The following TLL1 variants were observed in gnomAD, a reference collection of about 807,000 sequenced individuals.
TLL1 encodes tolloid like 1, also known as tolloid-like protein 1.
Under a neutral mutation model 128.2 loss-of-function variants are expected in TLL1, and 49 were observed. The ratio of observed to expected loss-of-function variants is 0.38; its 90% CI spans 0.30 to 0.48. The LOEUF is 0.48. Ranked by LOEUF, TLL1 falls within the 20% of genes least tolerant of loss-of-function variation. The pLI is 0.96. For missense variants in TLL1, 1,123 were observed against 1,242.0 expected, an observed-to-expected ratio of 0.90 and a Z score of 1.44; for synonymous variants, 454 against 418.8, an observed-to-expected ratio of 1.08 and a Z score of -1.03.
chr4:166,081,849 C>A (rs1446350255), intron 18 of TLL1, among the ~76,000 whole-genome samples: 2 of 151,822 alleles, frequency 1.3e-5, no homozygotes, highest in African/African-American at 2.4e-5. Flanking sequence ...CCTGATATAC[C>A]CCGGTTTTAA....
chr4:165,877,563 A>C (rs1429721816), intron 1 of TLL1, among the ~76,000 whole-genome samples: 1 of 152,216 alleles, frequency 6.6e-6, no homozygotes, highest in African/African-American at 2.4e-5. Context: ...TATAGAAATA[A>C]ATGTGAATCT....
chr4:166,090,575 G>A (rs1741718546), intron 18 of TLL1, among the ~76,000 whole-genome samples: 1 of 152,006 alleles, frequency 6.6e-6, no homozygotes, highest in African/African-American at 2.4e-5. Context: ...AGTATTATCA[G>A]TGTTTGCTAA....
intron 1 of TLL1, among the ~76,000 whole-genome samples, chr4:165,980,249 G>A (rs1736095604): frequency 6.6e-6 from 1 of 152,028 alleles, no homozygotes; most frequent in African/African-American, 2.4e-5. Context: ...TTTCATGATA[G>A]CAATCTCATA....
intron 1 of TLL1, among the ~76,000 whole-genome samples, chr4:165,960,453 A>T (rs1735040139): frequency 6.6e-6 from 1 of 152,128 alleles, no homozygotes. Context: ...CTCCTCCCTA[A>T]CTCATTCTAG....
chr4:166,042,232 C>A, intron 11 of TLL1, 89 bp downstream of exon 11: 2 of 869,328 alleles, frequency 2.3e-6, no homozygotes, highest in Non-Finnish European at 3.9e-6. Context: ...ACATTGTGAC[C>A]ATATTGTAAA....
At chr4:166,003,364 C>A (rs1737256133) in intron 5 of TLL1, 27 bp from the exon 6 acceptor site, 2 of 1,613,304 alleles carry the variant, frequency 1.2e-6, no homozygotes, top group Non-Finnish European at 1.7e-6. Flanking sequence ...CTTTCCACCA[C>A]CATCTCCACT....
intron 8 of TLL1, among the ~76,000 whole-genome samples, chr4:166,015,719 C>CA (rs1490349928): frequency 6.6e-6 from 1 of 151,826 alleles, no homozygotes; most frequent in East Asian, 1.9e-4. Flanking sequence ...GGAAACTTCC[C>CA]AGGAAGTTCA....
chr4:166,090,348 A>G (rs531909801), intron 18 of TLL1, among the ~76,000 whole-genome samples: 28 of 152,196 alleles, frequency 1.8e-4, no homozygotes, highest in Admixed American at 4.6e-4. Context: ...GTCCATCTCA[A>G]TTAAACTTTG....
chr4:165,906,189 C>T (rs894145395), intron 1 of TLL1, among the ~76,000 whole-genome samples: 5 of 152,132 alleles, frequency 3.3e-5, no homozygotes, highest in African/African-American at 1.2e-4. Context: ...TAGTGTGAGC[C>T]TCTAGAAAGC....
rs916099276 is a variant in TLL1 at position 165,934,177 on chromosome 4, T to C, written c.170-55204T>C. Among the ~76,000 whole-genome samples the C allele has an allele frequency of 8.4e-3, 1,230 of 146,576 alleles. 25 individuals are homozygous for C. The highest frequency in any genetic ancestry group is 0.029 in the African/African-American group (1,132 of 39,290). ...CCACGCCCAGCTAATTTTTTGCTTT[T>C]TTTTTTTTTTTTTTTTTAGTAGGGA... is the stretch of plus-strand genomic sequence containing the variant. On this transcript the variant is annotated intron_variant, in intron 1 of 20. Transcript: ENST00000061240.
At chr4:166,065,605 A>T in intron 15 of TLL1, 78 bp from the exon 16 acceptor site, 1 of 1,510,234 alleles carries the variant, frequency 6.6e-7, no homozygotes. Flanking sequence ...TGGGAAAAAT[A>T]AGATATGTTT....
intron 1 of TLL1, among the ~76,000 whole-genome samples, chr4:165,972,048 A>C (rs1201942625): frequency 6.6e-6 from 1 of 152,054 alleles, no homozygotes; most frequent in Admixed American, 6.5e-5. Flanking sequence ...GGGGTGGGGA[A>C]TGTGGATTGC....
chr4:166,011,205 G>C (rs1737679867), intron 7 of TLL1, among the ~76,000 whole-genome samples: 1 of 151,320 alleles, frequency 6.6e-6, no homozygotes, highest in African/African-American at 2.4e-5. Context: ...AAAATGTTGG[G>C]ATTCTGATAG....
At chr4:166,032,311 T>C (rs1373640796) in intron 9 of TLL1, among the ~76,000 whole-genome samples, 1 of 152,140 alleles carries the variant, frequency 6.6e-6, no homozygotes, top group African/African-American at 2.4e-5. Flanking sequence ...CCAAATTAAA[T>C]TCCAATAGAT....
rs866144529 is a variant in TLL1, at chr4:165,909,555, G to A, written c.169+35482G>A. The stretch of plus-strand genomic sequence containing the variant: ...TTGGAGATGAGGAGGAACCAGTAAG[G>A]AGCCCGATACTTATGCAGTTGCTTT... On this transcript the variant is annotated intron_variant, in intron 1 of 20. Coordinates refer to ENST00000061240, the MANE Select transcript of TLL1 (RefSeq NM_012464.5). 7.8e-4 allele frequency among the ~76,000 whole-genome samples: 119 copies of A among 152,288 alleles called. 1 individual carries two copies. The highest frequency in any genetic ancestry group is 6.8e-3 in the Middle Eastern group (2 of 294).
rs747043866 is a variant in TLL1, at chr4:166,014,430, T to C, written c.918-6T>C. 1 of 1,611,990 alleles carries C rather than the reference T, an allele frequency of 6.2e-7. No individual in the cohort carries two copies. Among genetic ancestry groups the C allele is most frequent in the Non-Finnish European group, 8.5e-7 (1 of 1,178,428 alleles). On this transcript the variant is annotated splice_polypyrimidine_tract_variant and splice_region_variant and intron_variant, in intron 7 of 20. Transcript: ENST00000061240. ...TTAGGTGTGGTTTGCTTCTGCTTTT[T>C]TTCAGGGGGATGTTTCTGGATACCA...
At chr4:165,920,206 A>C (rs897338554) in intron 1 of TLL1, among the ~76,000 whole-genome samples, 4 of 152,200 alleles carry the variant, frequency 2.6e-5, no homozygotes, top group Non-Finnish European at 5.9e-5. Flanking sequence ...GTTGCTTTGC[A>C]CGTTGGCATC....
intron 19 of TLL1, among the ~76,000 whole-genome samples, chr4:166,098,838 T>C (rs1742148484): frequency 6.6e-6 from 1 of 152,154 alleles, no homozygotes; most frequent in East Asian, 1.9e-4. Context: ...GTTAATACTC[T>C]GGCATCTTCT....
intron 1 of TLL1, among the ~76,000 whole-genome samples, chr4:165,944,768 A>G (rs1332179360): frequency 6.6e-6 from 1 of 152,084 alleles, no homozygotes; most frequent in Non-Finnish European, 1.5e-5. Context: ...CTGGGAGAAG[A>G]TAAAATCTGT....
Sources: allele counts gnomAD v4.1 joint callset (sites outside exome capture counted in the v4.1 genomes callset), GRCh38; gene constraint gnomAD v4.1.1; transcripts MANE v1.5; gene names NCBI Gene and HGNC (gene_info 2026-07-23, HGNC 2026-07-21).